The following DGKB variants were observed in gnomAD, a reference collection of about 807,000 sequenced individuals.
DGKB encodes the protein diacylglycerol kinase beta.
Under a neutral mutation model 114.3 loss-of-function variants are expected in DGKB, and 67 were observed. The ratio of observed to expected loss-of-function variants is 0.59; its 90% CI spans 0.48 to 0.72. The LOEUF (loss-of-function observed/expected upper bound fraction) is 0.72. Ranked by LOEUF, DGKB falls within the 30% of genes least tolerant of loss-of-function variation. The pLI is 0.00. For missense variants in DGKB, 907 were observed against 975.2 expected, an observed-to-expected ratio of 0.93 and a Z score of 0.93; for synonymous variants, 398 against 323.1, an observed-to-expected ratio of 1.23 and a Z score of -2.49.
chr7:14,742,493 C>T (rs1832719484), intron 4 of DGKB, among the ~76,000 whole-genome samples: 1 of 152,076 alleles, frequency 6.6e-6, no homozygotes, highest in Admixed American at 6.6e-5. Context: ...ATTCAAATGT[C>T]ATTAAAATTT....
chr7:14,912,673 G>T (rs908758543), intron 1 of DGKB, among the ~76,000 whole-genome samples: 2 of 152,150 alleles, frequency 1.3e-5, no homozygotes, highest in African/African-American at 4.8e-5. Context: ...GTAGGACTAA[G>T]TGGACGCCAG....
chr7:14,957,584 T>G (rs899475701), intron 1 of DGKB, among the ~76,000 whole-genome samples: 1 of 152,082 alleles, frequency 6.6e-6, no homozygotes, highest in African/African-American at 2.4e-5. Flanking sequence ...ACAATGATCT[T>G]GAAACTCCTT....
At chr7:14,149,628 C>G (rs1313663378) in intron 25 of DGKB, among the ~76,000 whole-genome samples, 3 of 152,072 alleles carry the variant, frequency 2.0e-5, no homozygotes, top group Admixed American at 6.6e-5. Context: ...ATTATAGTTT[C>G]CAGAGTCCTA....
intron 23 of DGKB, among the ~76,000 whole-genome samples, chr7:14,226,248 CTAGT>C (rs1391297535): frequency 1.3e-5 from 2 of 151,834 alleles, no homozygotes; most frequent in Non-Finnish European, 2.9e-5. Context: ...CATATAATCC[CTAGT>C]TACTCATTTT....
At chr7:14,477,598 C>T (rs1367488722) in intron 21 of DGKB, among the ~76,000 whole-genome samples, 2 of 152,132 alleles carry the variant, frequency 1.3e-5, no homozygotes, top group Non-Finnish European at 2.9e-5. Context: ...TCAATGTCTA[C>T]ATTTTTGAAG....
At chr7:14,233,563 A>C (rs943709802) in intron 23 of DGKB, among the ~76,000 whole-genome samples, 1 of 152,068 alleles carries the variant, frequency 6.6e-6, no homozygotes, top group Non-Finnish European at 1.5e-5. Context: ...GAAGTGAATC[A>C]TTGAAGGAAG....
chr7:14,168,343 T>G (rs1300414248), intron 25 of DGKB, among the ~76,000 whole-genome samples: 1 of 152,174 alleles, frequency 6.6e-6, no homozygotes, highest in African/African-American at 2.4e-5. Flanking sequence ...TTAACACACG[T>G]CATCAGAGTT....
intron 23 of DGKB, among the ~76,000 whole-genome samples, chr7:14,297,102 T>C (rs946690221): frequency 1.8e-4 from 27 of 152,064 alleles, no homozygotes; most frequent in African/African-American, 6.3e-4. Flanking sequence ...ACCAGACAGA[T>C]TCACAGCTGA....
In DGKB at chr7:14,226,524, T is replaced by C. The variant is rs191464975; in HGVS notation, c.2123-48373A>G. Among the ~76,000 whole-genome samples the C allele has an allele frequency of 2.6e-3, 390 of 152,126 alleles. 3 individuals carry two copies. Among genetic ancestry groups the C allele is most frequent in the African/African-American group, 9.0e-3 (374 of 41,550 alleles). On this transcript the variant is annotated intron_variant, in intron 23 of 25. Transcript: ENST00000402815. ...ATTATACATTGCTTTAACAATGAAGTATTTTAATTGGCATTCTGCAATATC... is the reference window on the plus strand; with the variant it reads ...ATTATACATTGCTTTAACAATGAAGCATTTTAATTGGCATTCTGCAATATC...
intron 20 of DGKB, among the ~76,000 whole-genome samples, chr7:14,516,073 C>A (rs1033018090): frequency 5.9e-5 from 9 of 152,068 alleles, no homozygotes; most frequent in African/African-American, 2.2e-4. Context: ...GTCTCATACT[C>A]CTGAGCTCAA....
In DGKB at chr7:14,682,751, AC is replaced by A; in HGVS notation, c.918+1del. 6.2e-7 allele frequency: 1 copy of A among 1,612,548 alleles called. No homozygotes were observed. Among genetic ancestry groups the A allele is most frequent in the Non-Finnish European group, 8.5e-7 (1 of 1,178,878 alleles). On this transcript the variant is annotated splice_donor_variant, in intron 11 of 25. Transcript: ENST00000402815. LOFTEE classifies it high-confidence loss of function. The stretch of plus-strand genomic sequence containing the variant: ...AGAAAGCAAGCATGCACACAAACTT[AC>A]ATCAGTGTTCCTTTTGGACTTCACA...
chr7:14,844,543 T>G (rs182403522), intron 1 of DGKB, among the ~76,000 whole-genome samples: 270 of 152,274 alleles, frequency 1.8e-3, no homozygotes, highest in African/African-American at 6.0e-3. Flanking sequence ...ACCTGATCAC[T>G]CTTACATTTC....
At chr7:14,181,169 C>G (rs1782583454) in intron 23 of DGKB, among the ~76,000 whole-genome samples, 1 of 152,306 alleles carries the variant, frequency 6.6e-6, no homozygotes, top group African/African-American at 2.4e-5. Flanking sequence ...TAGGTCTTGT[C>G]TATGTCTCTT....
At chr7:14,353,486 C>G (rs1279060976) in intron 21 of DGKB, among the ~76,000 whole-genome samples, 1 of 152,060 alleles carries the variant, frequency 6.6e-6, no homozygotes, top group Admixed American at 6.5e-5. Context: ...GCCTTCTTGC[C>G]CCTATGAAGG....
intron 23 of DGKB, among the ~76,000 whole-genome samples, chr7:14,313,422 T>C (rs1747815051): frequency 6.6e-6 from 1 of 151,990 alleles, no homozygotes; most frequent in Admixed American, 6.5e-5. Context: ...GTGCGCACAG[T>C]GCGCGAGCCG....
intron 6 of DGKB, among the ~76,000 whole-genome samples, chr7:14,710,129 T>G (rs1286095197): frequency 1.3e-5 from 2 of 152,108 alleles, no homozygotes; most frequent in African/African-American, 4.8e-5. Flanking sequence ...ATCTTTAAAA[T>G]GCTGAGTCTT....
At chr7:14,703,525 T>C (rs1300346989) in intron 6 of DGKB, among the ~76,000 whole-genome samples, 2 of 152,198 alleles carry the variant, frequency 1.3e-5, no homozygotes, top group Non-Finnish European at 2.9e-5. Context: ...GACTTGAAGC[T>C]AGACTGTGTG....
At chr7:14,898,275 C>T (rs943013905) in intron 1 of DGKB, among the ~76,000 whole-genome samples, 6 of 152,020 alleles carry the variant, frequency 3.9e-5, no homozygotes, top group Admixed American at 3.9e-4. Context: ...GAAGGTGCAA[C>T]ATTGTGCGAA....
intron 23 of DGKB, among the ~76,000 whole-genome samples, chr7:14,267,656 TTTTTTGTA>T (rs1797710634): frequency 6.6e-6 from 1 of 151,702 alleles, no homozygotes; most frequent in Non-Finnish European, 1.5e-5. Context: ...GCCCAGCTAA[TTTTTTGTA>T]TTTTTTAGCA....
Sources: gnomAD v4.1 joint callset for allele counts (sites outside exome capture counted in the v4.1 genomes callset) on GRCh38, gnomAD v4.1.1 for gene constraint, MANE v1.5 for transcripts, NCBI Gene and HGNC (gene_info 2026-07-23, HGNC 2026-07-21) for gene names.